PGCKA1: variants seen among roughly 807,000 people sequenced by gnomAD.
The protein encoded by PGCKA1 is PDCD10 and GCKIII kinases associated 1.
chr4:37,538,864 C>T, the PGCKA1 span, among the ~76,000 whole-genome samples: 2 of 152,200 alleles, frequency 1.3e-5, no homozygotes, highest in Non-Finnish European at 2.9e-5. Context: ...ATAGTCAGCA[C>T]TGTAGACACT....
At chr4:37,526,572 TA>T in the PGCKA1 span, among the ~76,000 whole-genome samples, 5 of 152,220 alleles carry the variant, frequency 3.3e-5, no homozygotes, top group Non-Finnish European at 1.5e-5. Flanking sequence ...ATGCACCTCA[TA>T]ACGATGTTTT....
the PGCKA1 span, among the ~76,000 whole-genome samples, chr4:37,500,047 C>T: frequency 2.5e-4 from 38 of 151,570 alleles, no homozygotes; most frequent in Admixed American, 2.4e-3. Context: ...CTCAGCCTCC[C>T]GAGTAGCTGG....
the PGCKA1 span, among the ~76,000 whole-genome samples, chr4:37,483,336 C>A: frequency 6.6e-6 from 1 of 152,152 alleles, no homozygotes. Flanking sequence ...AGCAGCGTGA[C>A]AATGGACTAA....
the PGCKA1 span, among the ~76,000 whole-genome samples, chr4:37,469,547 A>G: frequency 0.86 from 130,257 of 152,020 alleles, 55,876 homozygotes; most frequent in Admixed American, 0.92. Context: ...ATTACAAGAC[A>G]ACACATAGAA....
the PGCKA1 span, among the ~76,000 whole-genome samples, chr4:37,536,396 T>G: frequency 6.6e-6 from 1 of 152,260 alleles, no homozygotes; most frequent in East Asian, 1.9e-4. Context: ...TATCTGACAG[T>G]TTCTGTAGGC....
chr4:37,574,995 T>G, the PGCKA1 span, among the ~76,000 whole-genome samples: 347 of 152,288 alleles, frequency 2.3e-3, 1 homozygote, highest in African/African-American at 8.0e-3. Context: ...CTATACCACA[T>G]TTTCTTTATT....
the PGCKA1 span, among the ~76,000 whole-genome samples, chr4:37,493,327 T>C: frequency 3.9e-5 from 6 of 152,252 alleles, no homozygotes; most frequent in African/African-American, 1.4e-4. Context: ...TATTTAATAA[T>C]ATTTTTTAAA....
At chr4:37,513,346 G>A in the PGCKA1 span, among the ~76,000 whole-genome samples, 1 of 152,198 alleles carries the variant, frequency 6.6e-6, no homozygotes, top group Non-Finnish European at 1.5e-5. Context: ...CTTAAACAAT[G>A]GGAATAAATT....
chr4:37,530,980 G>C, the PGCKA1 span, among the ~76,000 whole-genome samples: 1 of 151,966 alleles, frequency 6.6e-6, no homozygotes, highest in Non-Finnish European at 1.5e-5. Context: ...ACGAGACTCT[G>C]TCTCAAAAGC....
chr4:37,529,494 A>G, the PGCKA1 span, among the ~76,000 whole-genome samples: 18 of 152,324 alleles, frequency 1.2e-4, no homozygotes, highest in African/African-American at 4.1e-4. Context: ...GAAATTGCCT[A>G]TGACTTATCA....
At chr4:37,579,662 G>T in the PGCKA1 span, among the ~76,000 whole-genome samples, 1 of 152,146 alleles carries the variant, frequency 6.6e-6, no homozygotes, top group Non-Finnish European at 1.5e-5. Flanking sequence ...GAGCTTCATT[G>T]TATGTTATTT....
At chr4:37,499,996 C>T in the PGCKA1 span, among the ~76,000 whole-genome samples, 3 of 147,522 alleles carry the variant, frequency 2.0e-5, no homozygotes, top group South Asian at 2.1e-4. Context: ...GATCTCGGCT[C>T]ACTGCAAGCT....
chr4:37,590,808 A>G, the PGCKA1 span: 1 of 1,614,036 alleles, frequency 6.2e-7, no homozygotes, highest in East Asian at 2.2e-5. Context: ...CAGAAGTTCT[A>G]AGCATCTGCT....
At chr4:37,496,495 G>C in the PGCKA1 span, among the ~76,000 whole-genome samples, 12 of 152,140 alleles carry the variant, frequency 7.9e-5, no homozygotes, top group Non-Finnish European at 1.5e-4. Context: ...ATGCTGTTTT[G>C]GTTATTGTAG....
the PGCKA1 span, chr4:37,460,820 G>A: frequency 2.9e-6 from 1 of 348,506 alleles, no homozygotes; most frequent in South Asian, 2.2e-5. Flanking sequence ...CTTTTGCTGT[G>A]CAGAAGCTCT....
the PGCKA1 span, among the ~76,000 whole-genome samples, chr4:37,507,871 A>G: frequency 6.6e-6 from 1 of 152,150 alleles, no homozygotes; most frequent in Non-Finnish European, 1.5e-5. Flanking sequence ...TCTGGTATTC[A>G]TGGAATCCCT....
chr4:37,573,500 G>C, the PGCKA1 span, among the ~76,000 whole-genome samples: 1 of 152,110 alleles, frequency 6.6e-6, no homozygotes, highest in African/African-American at 2.4e-5. Context: ...GATAACCACT[G>C]TTAACCCTTC....
chr4:37,521,120 T>G, the PGCKA1 span, among the ~76,000 whole-genome samples: 6 of 152,336 alleles, frequency 3.9e-5, no homozygotes, highest in Non-Finnish European at 8.8e-5. Flanking sequence ...TGGTTTGCTC[T>G]TGCTTTTCTA....
At chr4:37,488,510 A>G in the PGCKA1 span, among the ~76,000 whole-genome samples, 1 of 152,198 alleles carries the variant, frequency 6.6e-6, no homozygotes, top group African/African-American at 2.4e-5. Flanking sequence ...GTGGGTCTAC[A>G]TAGGCTTGCC....
Sources: gnomAD v4.1 joint callset for allele counts (sites outside exome capture counted in the v4.1 genomes callset) on GRCh38, gnomAD v4.1.1 for gene constraint, MANE v1.5 for transcripts, NCBI Gene and HGNC (gene_info 2026-07-23, HGNC 2026-07-21) for gene names.